RANBP3L: variants seen among roughly 807,000 people sequenced by gnomAD.
The protein encoded by RANBP3L is ran-binding protein 3-like.
Under a neutral mutation model 67.2 loss-of-function variants are expected in RANBP3L, and 56 were observed. The ratio of observed to expected loss-of-function variants is 0.83; its 90% CI spans 0.67 to 1.04. RANBP3L has a LOEUF of 1.04. Ranked by LOEUF, RANBP3L falls within the 50% of genes least tolerant of loss-of-function variation. RANBP3L has a pLI of 0.00. For synonymous variants in RANBP3L, 164 were observed against 181.4 expected (o/e 0.90, Z 0.77); for missense variants, 496 against 535.5 (o/e 0.93, Z 0.73).
chr5:36,285,010 A>C (rs1751226603), intron 1 of RANBP3L, among the ~76,000 whole-genome samples: 1 of 152,198 alleles, frequency 6.6e-6, no homozygotes, highest in African/African-American at 2.4e-5. Flanking sequence ...GAGTGAAAGC[A>C]GTCTCCGGAG....
In RANBP3L at chr5:36,269,934, A is replaced by G; in HGVS notation, c.190+17T>C. On this transcript the variant is annotated intron_variant, in intron 3 of 13. Transcript: ENST00000296604. ...TGTATAAAGATTGATTTTGGAATAC[A>G]GGATGAAAATCATTACCTGGTTCTG... 14 of 1,606,646 alleles carry G rather than the reference A, an allele frequency of 8.7e-6. No individual in the cohort carries two copies. Among genetic ancestry groups the G allele is most frequent in the Non-Finnish European group, 1.2e-5 (14 of 1,173,196 alleles).
At position 36,298,416 on chromosome 5, in the gene RANBP3L, T is replaced by C. The variant is rs1464718917; in HGVS notation, c.91+2910A>G. On this transcript the variant is annotated intron_variant, in intron 1 of 13. Coordinates refer to ENST00000296604, the MANE Select transcript of RANBP3L (RefSeq NM_145000.5). ...ATGCTAAATAATAGAGGCAGAACTT[T>C]AGGCTGGCTGGGGAAAGGCCAAAGC... is the stretch of plus-strand genomic sequence containing the variant. 5.3e-5 allele frequency among the ~76,000 whole-genome samples: 8 copies of C among 152,198 alleles called. No individual in the cohort carries two copies. The East Asian group carries it at 1.3e-3, about 26-fold the overall frequency.
chr5:36,266,005 T>C (rs1424732117), intron 4 of RANBP3L, among the ~76,000 whole-genome samples: 2 of 150,394 alleles, frequency 1.3e-5, no homozygotes, highest in Non-Finnish European at 3.0e-5. Flanking sequence ...AAAAAAGATA[T>C]TGCCGGATGC....
At chr5:36,265,557 A>G (rs1433276664) in intron 4 of RANBP3L, 37 bp from the exon 5 acceptor site, 3 of 1,257,572 alleles carry the variant, frequency 2.4e-6, no homozygotes, top group Middle Eastern at 2.2e-4. Context: ...TTAAATACAG[A>G]AGAGTGTCAG....
In RANBP3L at chr5:36,260,869, G is replaced by C. The variant is rs1579691918; in HGVS notation, c.585-5C>G. ...TTATCTTCATTTGGTTGACATCTAAGAAAATGAAATAAGCATTTACTATTT... is the reference window on the plus strand; with the variant it reads ...TTATCTTCATTTGGTTGACATCTAACAAAATGAAATAAGCATTTACTATTT... On this transcript the variant is annotated splice_polypyrimidine_tract_variant and splice_region_variant and intron_variant, in intron 7 of 13. Coordinates refer to ENST00000296604, the MANE Select transcript of RANBP3L (RefSeq NM_145000.5). 2 of 1,292,636 alleles carry C rather than the reference G, an allele frequency of 1.5e-6. No homozygotes were observed. The highest frequency in any genetic ancestry group is 2.3e-5 in the East Asian group (1 of 42,874). 80.1% of individuals were successfully genotyped at this position (1,292,636 alleles called of 1,614,324 possible).
In RANBP3L at chr5:36,248,694, G is replaced by A. The variant is rs1012319298; in HGVS notation, c.*960C>T. On this transcript the variant is annotated 3_prime_UTR_variant, in exon 14 of 14. Coordinates refer to ENST00000296604, the MANE Select transcript of RANBP3L (RefSeq NM_145000.5). ...ATCAAAGTCACTTCGAAGCCATGGT[G>A]TGATAAAACTGAATTGAAAAATGAA... The A allele has an allele frequency of 6.6e-6, 1 of 152,114 alleles. No individual in the cohort carries two copies. The highest frequency in any genetic ancestry group is 2.4e-5 in the African/African-American group (1 of 41,434). 9.4% of individuals were successfully genotyped at this position (152,114 alleles called of 1,614,324 possible).
chr5:36,286,782 A>G (rs1217476089), intron 1 of RANBP3L, among the ~76,000 whole-genome samples: 1 of 152,122 alleles, frequency 6.6e-6, no homozygotes, highest in African/African-American at 2.4e-5. Context: ...CAGTCTTTGT[A>G]CTTACTCTTT....
rs987591958 is a variant in RANBP3L at position 36,248,902 on chromosome 5, C to T, written c.*752G>A. 4 of 152,086 alleles carry T rather than the reference C, an allele frequency of 2.6e-5. No homozygotes were observed. The highest frequency in any genetic ancestry group is 5.9e-5 in the Non-Finnish European group (4 of 67,942). 9.4% of individuals were successfully genotyped at this position (152,086 alleles called of 1,614,324 possible). ...CATATGATACATTTGTTTTTCTATA[C>T]AGCCCCATCTACTAAAATACTAATG... is the stretch of plus-strand genomic sequence containing the variant. On this transcript the variant is annotated 3_prime_UTR_variant, in exon 14 of 14. Coordinates refer to ENST00000296604, the MANE Select transcript of RANBP3L (RefSeq NM_145000.5).
intron 4 of RANBP3L, among the ~76,000 whole-genome samples, chr5:36,266,569 C>T (rs1475862406): frequency 6.6e-6 from 1 of 152,146 alleles, no homozygotes; most frequent in Non-Finnish European, 1.5e-5. Context: ...TCCTGCTGAA[C>T]ACCACTAACA....
In RANBP3L at chr5:36,255,454, C is replaced by CA; in HGVS notation, c.1024+15dup. ...TCCTGACAAATTATGGCTTGCTTTA[C>CA]AAAAGGATTCCTTACTTAGTCTTGA... On this transcript the variant is annotated intron_variant, in intron 11 of 13. Coordinates refer to ENST00000296604, the MANE Select transcript of RANBP3L (RefSeq NM_145000.5). 1 of 1,601,088 alleles carries CA rather than the reference C, an allele frequency of 6.2e-7. No homozygotes were observed. Among genetic ancestry groups the CA allele is most frequent in the Non-Finnish European group, 8.5e-7 (1 of 1,174,190 alleles).
Position 36,256,980 on chromosome 5 carries a change from A to G in RANBP3L, c.864T>C (p.Asp288=), listed in dbSNP as rs747426433. ...PSRKCLLEKI[D]VITGEETEHN... ...GTTCTGTTTCCTCCCCTGTTATAAC[A>G]TCAATTTTCTCCAGCAAGCATTTTC... The change falls in exon 10 of 14, where the codon GAT becomes GAC. Residue 288 remains aspartate, a synonymous_variant. Transcript: ENST00000296604. 2 of 1,613,334 alleles carry G rather than the reference A, an allele frequency of 1.2e-6. No homozygotes were observed.
At chr5:36,251,943 A>T (rs1748624970) in intron 12 of RANBP3L, among the ~76,000 whole-genome samples, 1 of 152,114 alleles carries the variant, frequency 6.6e-6, no homozygotes, top group Non-Finnish European at 1.5e-5. Context: ...ATGGTATTGT[A>T]CCATAAATAC....
chr5:36,276,810 A>G (rs1750604122), intron 1 of RANBP3L, among the ~76,000 whole-genome samples: 1 of 152,184 alleles, frequency 6.6e-6, no homozygotes, highest in Non-Finnish European at 1.5e-5. Flanking sequence ...AAGATAGAGT[A>G]AGATGCTGAG....
chr5:36,265,634 A>G lies in RANBP3L; in HGVS notation c.269-114T>C, dbSNP rs555813555. ...ACCAGCAGATGTCGCAATTGGCACTAACAGAGTAGTAGGTAGTGCCCTCTG... is the reference window on the plus strand; with the variant it reads ...ACCAGCAGATGTCGCAATTGGCACTGACAGAGTAGTAGGTAGTGCCCTCTG... On this transcript the variant is annotated intron_variant, in intron 4 of 13. Transcript: ENST00000296604. The G allele has an allele frequency of 5.6e-3, 3,425 of 607,824 alleles. 35 individuals are homozygous for G. Among genetic ancestry groups the G allele is most frequent in the South Asian group, 7.9e-3 (368 of 46,710 alleles). 37.7% of individuals were successfully genotyped at this position (607,824 alleles called of 1,614,324 possible).
rs148136872 is a variant in RANBP3L at position 36,282,884 on chromosome 5, T to A, written c.92-11573A>T. Among the ~76,000 whole-genome samples, 631 of 152,280 alleles carry A rather than the reference T, an allele frequency of 4.1e-3. 2 individuals carry two copies. The highest frequency in any genetic ancestry group is 6.5e-3 in the Non-Finnish European group (444 of 68,034). ...TAGAAATGTAGCAGGAATAACATGATGCCTGTGGCAGATGGTTCTGCAGTG... is the reference window on the plus strand; with the variant it reads ...TAGAAATGTAGCAGGAATAACATGAAGCCTGTGGCAGATGGTTCTGCAGTG... On this transcript the variant is annotated intron_variant, in intron 1 of 13. Transcript: ENST00000296604.
chr5:36,251,609 A>G (rs1466321774), intron 12 of RANBP3L, 110 bp from the exon 13 acceptor site: 2 of 847,964 alleles, frequency 2.4e-6, no homozygotes, highest in African/African-American at 3.4e-5. Flanking sequence ...GCATAAATCT[A>G]CAGTGTACAT....
chr5:36,300,489 G>A (rs532959598), intron 1 of RANBP3L, among the ~76,000 whole-genome samples: 3 of 152,214 alleles, frequency 2.0e-5, no homozygotes, highest in Non-Finnish European at 4.4e-5. Context: ...CTAAAACTGC[G>A]TCTACAGAAA....
intron 12 of RANBP3L, among the ~76,000 whole-genome samples, chr5:36,252,512 A>C (rs1372210303): frequency 1.3e-5 from 2 of 152,124 alleles, no homozygotes; most frequent in Non-Finnish European, 1.5e-5. Flanking sequence ...GCAGATGAAT[A>C]AAATCAGTTT....
At chr5:36,258,397 G>T (rs1440662538) in intron 8 of RANBP3L, among the ~76,000 whole-genome samples, 1 of 152,040 alleles carries the variant, frequency 6.6e-6, no homozygotes, top group African/African-American at 2.4e-5. Context: ...CCTCAAAATT[G>T]GTAGAGATGG....
Sources: gnomAD v4.1 joint callset for allele counts (sites outside exome capture counted in the v4.1 genomes callset) on GRCh38, gnomAD v4.1.1 for gene constraint, MANE v1.5 for transcripts, NCBI Gene and HGNC (gene_info 2026-07-23, HGNC 2026-07-21) for gene names.